GIGYF2: variants seen among roughly 807,000 people sequenced by gnomAD.
GIGYF2 encodes the protein GRB10-interacting GYF protein 2.
In GIGYF2, 25 loss-of-function variants were observed where a neutral mutation model predicts 208.1. The observed-to-expected ratio is 0.12, with a 90% CI of 0.09 to 0.17. The LOEUF (loss-of-function observed/expected upper bound fraction) is 0.17, where lower values mean the gene tolerates loss of function less well. Among genes scored for constraint, GIGYF2 ranks in the 10% least tolerant of loss-of-function variants. The probability of loss-of-function intolerance (pLI) is 1.00; values close to 1 mark genes in which losing one functional copy is unlikely to be tolerated. For missense variants in GIGYF2, 1,302 were observed against 1,579.4 expected (o/e 0.82, Z 2.98); for synonymous variants, 534 against 543.8 (o/e 0.98, Z 0.25).
chr2:232,764,613 G>A (rs910811480), intron 8 of GIGYF2: 1 of 152,290 alleles, frequency 6.6e-6, no homozygotes. Context: ...CATGTGAGGT[G>A]AGGACTTAGA....
intron 8 of GIGYF2, among the ~76,000 whole-genome samples, chr2:232,771,892 T>G (rs1485482485): frequency 6.6e-6 from 1 of 152,164 alleles, no homozygotes; most frequent in Admixed American, 6.5e-5. Flanking sequence ...TGAAGCCAGA[T>G]TTAGTATAGG....
At chr2:232,711,535 A>C (rs1696400687) in intron 2 of GIGYF2, among the ~76,000 whole-genome samples, 1 of 151,372 alleles carries the variant, frequency 6.6e-6, no homozygotes, top group Admixed American at 6.6e-5. Flanking sequence ...TATTTTCTAA[A>C]ACATTTCTAA....
chr2:232,832,186 G>A (rs1701440847), intron 21 of GIGYF2, among the ~76,000 whole-genome samples: 2 of 152,230 alleles, frequency 1.3e-5, no homozygotes, highest in Admixed American at 1.3e-4. Flanking sequence ...AAAGAATGAA[G>A]TAGAGGAATA....
At chr2:232,799,518 C>T (rs1235892077) in intron 14 of GIGYF2, among the ~76,000 whole-genome samples, 1 of 151,338 alleles carries the variant, frequency 6.6e-6, no homozygotes, top group African/African-American at 2.4e-5. Context: ...CCACTGCACT[C>T]CAGCCTGGGT....
At chr2:232,807,958 C>T (rs1700610447) in intron 15 of GIGYF2, among the ~76,000 whole-genome samples, 1 of 152,220 alleles carries the variant, frequency 6.6e-6, no homozygotes, top group African/African-American at 2.4e-5. Flanking sequence ...CTGTGCCAGG[C>T]CTCGTAGTAG....
rs193213796 is a variant in GIGYF2 at position 232,764,662 on chromosome 2, C to T, written c.532+3226C>T. ...TTTCTAAAGGGCAGAAAAGGGCTAA[C>T]TGTTGGAAGGTTCAAGGGGGCAGGT... is the stretch of plus-strand genomic sequence containing the variant. On this transcript the variant is annotated intron_variant, in intron 8 of 28. Transcript: ENST00000373563. The T allele has an allele frequency of 4.6e-5, 7 of 152,274 alleles. No individual in the cohort carries two copies. The South Asian group carries it at 8.3e-4, about 18-fold the overall frequency. 9.4% of individuals were successfully genotyped at this position (152,274 alleles called of 1,614,324 possible).
In GIGYF2 at chr2:232,847,517, A is replaced by AGCAGCAGCAGCAGCAGCTGCCGCAG. The variant is rs775324034; in HGVS notation, c.3630_3631insGCAGCAGCAGCAGCAGCTGCCGCAG (p.Gln1211AlafsTer54). The AGCAGCAGCAGCAGCAGCTGCCGCAG allele has an allele frequency of 1.2e-5, 5 of 415,932 alleles. No individual in the cohort carries two copies. In the East Asian group the frequency reaches 2.1e-4, roughly 18 times the overall value. 25.8% of individuals were successfully genotyped at this position (415,932 alleles called of 1,614,324 possible). A position where few individuals can be genotyped will look rare whatever the true frequency, so the allele number is the denominator to read the frequency against. ...AGCAGCGTCAGCAGCAGCAGCTGCC[A>AGCAGCAGCAGCAGCAGCTGCCGCAG]CAGCAGCAGCAGCAGCAGCCGCCAC... On this transcript the variant is annotated frameshift_variant, in exon 27 of 29. Coordinates refer to ENST00000373563, the MANE Select transcript of GIGYF2 (RefSeq NM_001103146.3). LOFTEE classifies it high-confidence loss of function.
chr2:232,700,331 ACT>A (rs1279148819), intron 1 of GIGYF2, among the ~76,000 whole-genome samples: 1 of 151,884 alleles, frequency 6.6e-6, no homozygotes, highest in East Asian at 1.9e-4. Flanking sequence ...TGTTTTCATG[ACT>A]CTGCATTTTA....
chr2:232,754,336 T>C (rs1698452275), intron 5 of GIGYF2, among the ~76,000 whole-genome samples: 1 of 152,198 alleles, frequency 6.6e-6, no homozygotes, highest in South Asian at 2.1e-4. Flanking sequence ...TCTTTCTGTT[T>C]ATGTTAATTT....
chr2:232,808,967 C>T (rs569001034), intron 15 of GIGYF2, among the ~76,000 whole-genome samples: 219 of 151,938 alleles, frequency 1.4e-3, no homozygotes, highest in African/African-American at 4.8e-3. Context: ...TTTTTTGAGA[C>T]GGAGTCTTGC....
At chr2:232,716,493 C>T (rs1417347511) in intron 2 of GIGYF2, among the ~76,000 whole-genome samples, 1 of 151,134 alleles carries the variant, frequency 6.6e-6, no homozygotes, top group African/African-American at 2.4e-5. Flanking sequence ...ATCCTCATGC[C>T]TCAGTCATCC....
chr2:232,791,322 T>G lies in GIGYF2; in HGVS notation c.1158T>G (p.His386Gln). The G allele has an allele frequency of 1.2e-6, 2 of 1,613,994 alleles. No individual in the cohort carries two copies. Among genetic ancestry groups the G allele is most frequent in the South Asian group, 2.2e-5 (2 of 91,080 alleles). The change falls in exon 12 of 29, where the codon CAT (histidine) becomes CAG (glutamine). Residue 386 changes from histidine to glutamine, a missense_variant. Physicochemically the swap from His to Gln is conservative, Grantham distance 24. Around this residue, in one of 8 missense-constraint regions of GIGYF2, gnomAD observed 235 missense variants for 218.8 expected, o/e 1.07. Coordinates refer to ENST00000373563, the MANE Select transcript of GIGYF2 (RefSeq NM_001103146.3). The stretch of plus-strand genomic sequence containing the variant: ...CTAGACCAGGTACTCCTTCAGACCA[T>G]CAGTCTCAGGAAGCATCACAGTTTG... Reference protein sequence around the residue: ...SSARPGTPSDHQSQEASQFER... With the variant: ...SSARPGTPSDQQSQEASQFER...
At chr2:232,757,566 G>A (rs540316343) in intron 6 of GIGYF2, among the ~76,000 whole-genome samples, 1 of 152,152 alleles carries the variant, frequency 6.6e-6, no homozygotes, top group South Asian at 2.1e-4. Context: ...TTTCGAGTTG[G>A]GACTGACCAC....
At chr2:232,815,433 G>A (rs1700878525) in intron 18 of GIGYF2, among the ~76,000 whole-genome samples, 1 of 152,150 alleles carries the variant, frequency 6.6e-6, no homozygotes, top group East Asian at 1.9e-4. Flanking sequence ...TAAATGCCTG[G>A]TACTTCCCTT....
intron 14 of GIGYF2, among the ~76,000 whole-genome samples, chr2:232,805,530 T>G (rs1256491899): frequency 6.6e-6 from 1 of 152,350 alleles, no homozygotes; most frequent in South Asian, 2.1e-4. Flanking sequence ...ATTTGCATGA[T>G]ATATCTTTTT....
Position 232,847,391 on chromosome 2 carries a change from T to C in GIGYF2, c.3504T>C (p.Tyr1168=). The C allele has an allele frequency of 6.2e-7, 1 of 1,612,436 alleles. No individual in the cohort carries two copies. The highest frequency in any genetic ancestry group is 8.5e-7 in the Non-Finnish European group (1 of 1,178,530). ...TCCTGAAAGAAGTAGAATCTCCTTATGAGGTCCATGATTATATCAGGGCCT... is the reference window on the plus strand; with the variant it reads ...TCCTGAAAGAAGTAGAATCTCCTTACGAGGTCCATGATTATATCAGGGCCT... ...VSFLKEVESP[Y]EVHDYIRAYL... Residue 1168 remains tyrosine (Y), a synonymous_variant, in exon 27 of 29, where the codon TAT becomes TAC. Transcript: ENST00000373563.
intron 22 of GIGYF2, among the ~76,000 whole-genome samples, chr2:232,836,397 TAA>T (rs72230226): frequency 0.012 from 1,041 of 90,124 alleles, 146 homozygotes; most frequent in African/African-American, 0.043. Context: ...TATATAAATA[TAA>T]ATATATATAT....
Position 232,839,984 on chromosome 2 carries a change from A to T in GIGYF2, c.2889+13A>T. The T allele has an allele frequency of 6.2e-7, 1 of 1,613,226 alleles. No homozygotes were observed. Among genetic ancestry groups the T allele is most frequent in the Non-Finnish European group, 8.5e-7 (1 of 1,179,286 alleles). ...GCTTCGAGAAGAGGTAAAATTTTAA[A>T]GTAAAAGGGATCTAGTCAAGCGATG... On this transcript the variant is annotated intron_variant, in intron 23 of 28. Transcript: ENST00000373563.
At position 232,765,979 on chromosome 2, in the gene GIGYF2, G is replaced by A. The variant is rs375274164; in HGVS notation, c.532+4543G>A. 1.4e-4 allele frequency: 66 copies of A among 471,158 alleles called. 3 individuals carry two copies. In the East Asian group the frequency reaches 3.1e-3, roughly 22 times the overall value. The allele number at this position is 471,158 out of a possible 1,614,324, so 29.2% of individuals were successfully genotyped here. A position where few individuals can be genotyped will look rare whatever the true frequency, so the allele number is the denominator to read the frequency against. ...CATGACCAAGCTCCCAGATGATCCA[G>A]GTTAGTGAGCTGCACATCCAGAAAG... On this transcript the variant is annotated intron_variant, in intron 8 of 28. Transcript: ENST00000373563.
Sources: gnomAD v4.1 joint callset for allele counts (sites outside exome capture counted in the v4.1 genomes callset) on GRCh38, gnomAD v4.1.1 for gene constraint, gnomAD v4.1.1 regional missense constraint, MANE v1.5 for transcripts, NCBI Gene and HGNC (gene_info 2026-07-23, HGNC 2026-07-21) for gene names.